VMP1: variants seen among roughly 807,000 people sequenced by gnomAD.
The protein encoded by VMP1 is vacuole membrane protein 1, also known as ectopic P-granules autophagy protein 3 homolog.
A neutral mutation model predicts 56.0 loss-of-function variants in VMP1; 11 were observed. The ratio of observed to expected loss-of-function variants is 0.20; its 90% confidence interval spans 0.12 to 0.32. The LOEUF is 0.32. VMP1 is among the 10% of genes least tolerant of loss of function. The pLI is 1.00. For synonymous variants in VMP1, 149 were observed against 165.0 expected, an observed-to-expected ratio of 0.90 and a Z score of 0.74; for missense variants, 296 against 490.3, an observed-to-expected ratio of 0.60 and a Z score of 3.74.
intron 7 of VMP1, among the ~76,000 whole-genome samples, chr17:59,799,308 G>A (rs958512162): frequency 6.6e-6 from 1 of 151,830 alleles, no homozygotes; most frequent in African/African-American, 2.4e-5. Context: ...CAGTATTATA[G>A]AGTTTTACCC....
intron 6 of VMP1, among the ~76,000 whole-genome samples, chr17:59,769,047 G>T (rs2036335735): frequency 6.6e-6 from 1 of 151,744 alleles, no homozygotes; most frequent in African/African-American, 2.4e-5. Context: ...CTTGAACCCG[G>T]GAGGCAGAGG....
At chr17:59,785,374 C>G (rs1206465742) in intron 7 of VMP1, among the ~76,000 whole-genome samples, 1 of 151,982 alleles carries the variant, frequency 6.6e-6, no homozygotes, top group Non-Finnish European at 1.5e-5. Flanking sequence ...AAAACTTCAC[C>G]TTTTCAAAGA....
intron 5 of VMP1, among the ~76,000 whole-genome samples, chr17:59,748,195 CAAA>C (rs36016640): frequency 1.8e-3 from 181 of 103,120 alleles, no homozygotes; most frequent in African/African-American, 7.3e-3. Context: ...GACTCCGTCT[CAAA>C]AAAAAAAAAA....
At chr17:59,733,773 G>T (rs1276533293) in intron 2 of VMP1, among the ~76,000 whole-genome samples, 1 of 152,058 alleles carries the variant, frequency 6.6e-6, no homozygotes, top group Admixed American at 6.6e-5. Flanking sequence ...AAACTTAATT[G>T]GGCACTTACT....
At chr17:59,773,523 A>G (rs2036513793) in intron 6 of VMP1, among the ~76,000 whole-genome samples, 1 of 151,710 alleles carries the variant, frequency 6.6e-6, no homozygotes, top group African/African-American at 2.4e-5. Context: ...GTGCGTGCCC[A>G]CTGTGCCTGG....
At chr17:59,737,638 C>A in intron 4 of VMP1, 95 bp downstream of exon 4, 1 of 1,036,444 alleles carries the variant, frequency 9.6e-7, no homozygotes, top group South Asian at 1.8e-5. Flanking sequence ...TATAGAATTT[C>A]TACCCTCAAC....
intron 7 of VMP1, among the ~76,000 whole-genome samples, chr17:59,801,743 A>G (rs2037673936): frequency 6.6e-6 from 1 of 152,006 alleles, no homozygotes; most frequent in Non-Finnish European, 1.5e-5. Context: ...ACAAATACAA[A>G]AATTAGCCAG....
intron 1 of VMP1, among the ~76,000 whole-genome samples, chr17:59,731,150 A>G (rs1003371826): frequency 1.7e-4 from 26 of 152,212 alleles, no homozygotes; most frequent in African/African-American, 5.3e-4. Flanking sequence ...CCAAATTTCA[A>G]TCTGGAAGAT....
At chr17:59,734,868 C>G (rs945284104) in intron 2 of VMP1, among the ~76,000 whole-genome samples, 1 of 145,490 alleles carries the variant, frequency 6.9e-6, no homozygotes, top group South Asian at 2.2e-4. Flanking sequence ...TACTGTCATT[C>G]ATCTTCTTTC....
chr17:59,758,403 T>C (rs187292783), intron 5 of VMP1, among the ~76,000 whole-genome samples: 1 of 152,234 alleles, frequency 6.6e-6, no homozygotes, highest in Non-Finnish European at 1.5e-5. Flanking sequence ...TTCAACTATG[T>C]ATGTGCCAGG....
intron 5 of VMP1, among the ~76,000 whole-genome samples, chr17:59,756,196 C>T (rs2035836933): frequency 6.6e-6 from 1 of 152,128 alleles, no homozygotes; most frequent in Non-Finnish European, 1.5e-5. Context: ...TTTTCTGACT[C>T]TAATGAGAAA....
intron 8 of VMP1, among the ~76,000 whole-genome samples, chr17:59,809,664 G>T (rs888596969): frequency 6.7e-6 from 1 of 150,208 alleles, no homozygotes; most frequent in East Asian, 2.0e-4. Context: ...CCGCCACTAC[G>T]CCCGGCTAAT....
chr17:59,797,261 C>G (rs945449050), intron 7 of VMP1, among the ~76,000 whole-genome samples: 3 of 150,438 alleles, frequency 2.0e-5, no homozygotes, highest in African/African-American at 7.3e-5. Flanking sequence ...TTGATTGAAC[C>G]CGGGAGCAGA....
Position 59,735,404 on chromosome 17 carries a change from G to A in VMP1, c.143G>A (p.Arg48Lys), listed in dbSNP as rs1371514067. 5 of 1,614,172 alleles carry A rather than the reference G, an allele frequency of 3.1e-6. No homozygotes were observed. In the Admixed American group the frequency reaches 6.7e-5, roughly 22 times the overall value. ...REERQNIVLW[R>K]QPLITLQYFS... ...GAAAGGCAGAATATTGTCCTGTGGAGACAGCCGCTCATTACCTTGCAGTAT... is the reference window on the plus strand; with the variant it reads ...GAAAGGCAGAATATTGTCCTGTGGAAACAGCCGCTCATTACCTTGCAGTAT... The change falls in exon 3 of 12, where the codon AGA (arginine) becomes AAA (lysine). Residue 48 changes from arginine (R) to lysine (K), a missense_variant. Transcript: ENST00000262291.
chr17:59,803,679 T>C (rs1045646161), intron 7 of VMP1, among the ~76,000 whole-genome samples: 6 of 152,168 alleles, frequency 3.9e-5, no homozygotes, highest in Admixed American at 3.9e-4. Flanking sequence ...TTTGAAAAAG[T>C]GAAAAATGAC....
chr17:59,751,078 G>A lies in VMP1; in HGVS notation c.414+12131G>A, dbSNP rs559530714. 5.3e-5 allele frequency among the ~76,000 whole-genome samples: 8 copies of A among 151,730 alleles called. No homozygotes were observed. In the South Asian group the frequency reaches 6.3e-4, roughly 12 times the overall value. ...CTCCCGAGTAGCTGGGACTACAGGC[G>A]CCCACCACCATGCCTGGCTAATTTT... On this transcript the variant is annotated intron_variant, in intron 5 of 11. Transcript: ENST00000262291.
rs1464928690 is a variant in VMP1, at chr17:59,842,180, A to G, written c.*2269A>G. On this transcript the variant is annotated 3_prime_UTR_variant, in exon 12 of 12. Coordinates refer to ENST00000262291, the MANE Select transcript of VMP1 (RefSeq NM_030938.5). ...CTTAATTCCAGCTGATGGGAGACCA[A>G]AGAATTTGCAAGTGGATGGTTTGGT... 1 of 152,188 alleles carries G rather than the reference A, an allele frequency of 6.6e-6. No individual in the cohort carries two copies. Among genetic ancestry groups the G allele is most frequent in the African/African-American group, 2.4e-5 (1 of 41,456 alleles). 9.4% of individuals were successfully genotyped at this position (152,188 alleles called of 1,614,324 possible).
chr17:59,797,320 G>A (rs1207508527), intron 7 of VMP1, among the ~76,000 whole-genome samples: 5 of 137,974 alleles, frequency 3.6e-5, no homozygotes, highest in East Asian at 4.3e-4. Flanking sequence ...CCAGCCTGGC[G>A]ACATAGCAAG....
intron 10 of VMP1, among the ~76,000 whole-genome samples, chr17:59,828,613 A>G (rs959620159): frequency 1.3e-5 from 2 of 152,242 alleles, no homozygotes; most frequent in African/African-American, 4.8e-5. Flanking sequence ...AGAAGGTGCC[A>G]GGGACTGTCA....
Sources: gnomAD v4.1 joint callset for allele counts (sites outside exome capture counted in the v4.1 genomes callset) on GRCh38, gnomAD v4.1.1 for gene constraint, MANE v1.5 for transcripts, NCBI Gene and HGNC (gene_info 2026-07-23, HGNC 2026-07-21) for gene names.